The following FBXO31 variants were observed in gnomAD, a reference collection of about 807,000 sequenced individuals.
FBXO31 encodes the protein F-box protein 31.
Under a neutral mutation model 54.4 loss-of-function variants are expected in FBXO31, and 24 were observed. The observed-to-expected ratio is 0.44, with a 90% CI of 0.32 to 0.62. The LOEUF is 0.62. Among genes scored for constraint, FBXO31 ranks in the 20% least tolerant of loss-of-function variants. The probability of loss-of-function intolerance (pLI) is 0.05; values close to 1 mark genes in which losing one functional copy is unlikely to be tolerated. For missense variants in FBXO31, 665 were observed against 787.1 expected (o/e 0.84, Z 1.86); for synonymous variants, 388 against 335.6 (o/e 1.16, Z -1.71).
chr16:87,344,063 G>A (rs1368008500), intron 3 of FBXO31, among the ~76,000 whole-genome samples: 2 of 152,234 alleles, frequency 1.3e-5, no homozygotes, highest in African/African-American at 4.8e-5. Flanking sequence ...AGCAGTGCAA[G>A]GGCCTCGTTC....
At position 87,334,265 on chromosome 16, in the gene FBXO31, C is replaced by T; in HGVS notation, c.1018G>A (p.Gly340Arg). 2 of 1,590,620 alleles carry T rather than the reference C, an allele frequency of 1.3e-6. No homozygotes were observed. The highest frequency in any genetic ancestry group is 1.7e-6 in the Non-Finnish European group (2 of 1,166,628). The change falls in exon 8 of 9, where the codon GGG becomes AGG. Residue 340 changes from glycine to arginine, a missense_variant. Around this residue, in one of 4 missense-constraint regions of FBXO31, gnomAD observed 234 missense variants for 346.8 expected, o/e 0.67. Coordinates refer to ENST00000311635, the MANE Select transcript of FBXO31 (RefSeq NM_024735.5). ...KITGDPNIPA[G>R]QQTVEIDLRH... is the part of the protein sequence containing the mutation. ...AGGTCGATCTCCACTGTCTGCTGCC[C>T]AGCGGGGATGTTGGGGTCGCCCTGT...
chr16:87,376,251 GA>G (rs1009562626), intron 1 of FBXO31, among the ~76,000 whole-genome samples: 34 of 151,980 alleles, frequency 2.2e-4, no homozygotes, highest in African/African-American at 7.7e-4. Context: ...TCTGTTGTGG[GA>G]AACTCAATTT....
chr16:87,370,777 G>A (rs181721758), intron 1 of FBXO31, among the ~76,000 whole-genome samples: 102 of 152,284 alleles, frequency 6.7e-4, no homozygotes, highest in Admixed American at 1.8e-3. Context: ...TGTCCTACCC[G>A]CTTTACACTC....
intron 1 of FBXO31, among the ~76,000 whole-genome samples, chr16:87,376,480 G>A (rs1597378806): frequency 2.0e-5 from 3 of 152,064 alleles, no homozygotes; most frequent in African/African-American, 7.2e-5. Context: ...TCACCAGGTT[G>A]GCCAGGCTGG....
At chr16:87,362,007 T>C (rs1906155482) in intron 1 of FBXO31, among the ~76,000 whole-genome samples, 1 of 152,064 alleles carries the variant, frequency 6.6e-6, no homozygotes. Flanking sequence ...GTGCCCAGAG[T>C]GGGTCCCCTA....
chr16:87,365,006 C>A (rs1906291743), intron 1 of FBXO31, among the ~76,000 whole-genome samples: 1 of 16,824 alleles, frequency 5.9e-5, no homozygotes. Context: ...GACCCCGTCT[C>A]TTAAATATAT....
upstream of FBXO31, chr16:87,386,133 C>G (rs912352704): frequency 1.0e-5 from 1 of 97,232 alleles, no homozygotes; most frequent in African/African-American, 6.8e-5. Context: ...CATCACTTGC[C>G]GGAGATCAGG....
upstream of FBXO31, among the ~76,000 whole-genome samples, chr16:87,384,654 C>A (rs1296897678): frequency 1.3e-5 from 2 of 152,276 alleles, no homozygotes; most frequent in South Asian, 2.1e-4. Flanking sequence ...CGGACCCCAT[C>A]TCTTGGAGGC....
rs978767722 is a variant in FBXO31 at position 87,335,596 on chromosome 16, C to A, written c.843-139G>T. On this transcript the variant is annotated intron_variant, in intron 6 of 8. Transcript: ENST00000311635. This position sits in a 1 kb window ranked among gnomAD's most constrained non-coding sequence, Gnocchi z 5.7. ...CAACCAGGGCCAGGTGTCCACCAGG[C>A]CTGTGGGCAGCAATGCGCCCAGGGG... 6 of 1,026,924 alleles carry A rather than the reference C, an allele frequency of 5.8e-6. No homozygotes were observed. In the African/African-American group the frequency reaches 8.0e-5, roughly 14 times the overall value. 63.6% of individuals were successfully genotyped at this position (1,026,924 alleles called of 1,614,324 possible). A position where few individuals can be genotyped will look rare whatever the true frequency, so the allele number is the denominator to read the frequency against.
chr16:87,345,268 A>G lies in FBXO31; in HGVS notation c.490-1503T>C, dbSNP rs1905335130. On this transcript the variant is annotated intron_variant, in intron 3 of 8. Coordinates refer to ENST00000311635, the MANE Select transcript of FBXO31 (RefSeq NM_024735.5). The surrounding 1 kb of genome is among the most constrained non-coding windows in gnomAD (Gnocchi z 4.9). Reference sequence around the variant, plus strand: ...GCCAGCTGCCTGCCCAGAGCTCAACAAAGTCAGGGCGGGGCTTTCCGGAAA... The same window carrying G: ...GCCAGCTGCCTGCCCAGAGCTCAACGAAGTCAGGGCGGGGCTTTCCGGAAA... 6.6e-6 allele frequency among the ~76,000 whole-genome samples: 1 copy of G among 150,984 alleles called. No homozygotes were observed. Among genetic ancestry groups the G allele is most frequent in the Admixed American group, 6.6e-5 (1 of 15,200 alleles).
chr16:87,346,764 C>G lies in FBXO31; in HGVS notation c.489+410G>C, dbSNP rs12922447. ...GGGGCGGGAGGCAGGGTGGTCAGAG[C>G]GGGTCCACAGCAGAACCCAAGGAAA... On this transcript the variant is annotated intron_variant, in intron 3 of 8. Transcript: ENST00000311635. The surrounding 1 kb of genome is among the most constrained non-coding windows in gnomAD (Gnocchi z 4.2). Among the ~76,000 whole-genome samples the G allele has an allele frequency of 0.02, 3,028 of 152,226 alleles. 54 individuals carry two copies. The highest frequency in any genetic ancestry group is 0.046 in the African/African-American group (1,931 of 41,538).
intron 3 of FBXO31, among the ~76,000 whole-genome samples, chr16:87,344,595 A>C (rs1905300321): frequency 6.6e-6 from 1 of 151,816 alleles, no homozygotes; most frequent in Non-Finnish European, 1.5e-5. Flanking sequence ...CTGTTCTCTC[A>C]CAGACTCCAC....
At chr16:87,373,369 G>A (rs895814912) in intron 1 of FBXO31, among the ~76,000 whole-genome samples, 2 of 151,962 alleles carry the variant, frequency 1.3e-5, no homozygotes, top group Non-Finnish European at 2.9e-5. Context: ...GGAGAATGGC[G>A]TGAACCCAGG....
chr16:87,363,084 A>G (rs1906205304), intron 1 of FBXO31, among the ~76,000 whole-genome samples: 1 of 151,756 alleles, frequency 6.6e-6, no homozygotes, highest in Non-Finnish European at 1.5e-5. Flanking sequence ...CACCAGGTGC[A>G]GGTTAAAAAT....
intron 1 of FBXO31, among the ~76,000 whole-genome samples, chr16:87,378,299 T>C (rs149102232): frequency 6.6e-6 from 1 of 152,184 alleles, no homozygotes; most frequent in Non-Finnish European, 1.5e-5. Context: ...TTTTTAAATG[T>C]GCACCCTCAC....
rs946117279 is a variant in FBXO31 at position 87,383,703 on chromosome 16, G to A, written c.42C>T (p.Arg14=). The A allele has an allele frequency of 7.9e-7, 1 of 1,265,040 alleles. No homozygotes were observed. The highest frequency in any genetic ancestry group is 9.9e-7 in the Non-Finnish European group (1 of 1,012,088). The allele number at this position is 1,265,040 out of a possible 1,614,324, so 78.4% of individuals were successfully genotyped here. A position where few individuals can be genotyped will look rare whatever the true frequency, so the allele number is the denominator to read the frequency against. ...GGCGCTGCTGGCGGCGCCGACATCC[G>A]CGCGACGGGCCCACGCCGCAAAGGC... ...CARLCGVGPS[R]GCRRRQQRRG... Residue 14 remains arginine (R), a synonymous_variant, in exon 1 of 9, where the codon CGC becomes CGT. Coordinates refer to ENST00000311635, the MANE Select transcript of FBXO31 (RefSeq NM_024735.5). This position sits in a 1 kb window ranked among gnomAD's most constrained non-coding sequence, Gnocchi z 4.9.
At chr16:87,378,681 G>A (rs190564274) in intron 1 of FBXO31, among the ~76,000 whole-genome samples, 2 of 152,198 alleles carry the variant, frequency 1.3e-5, no homozygotes, top group African/African-American at 4.8e-5. Context: ...ACGCATCCTG[G>A]CTGGGCGCGG....
At position 87,338,972 on chromosome 16, in the gene FBXO31, G is replaced by A. The variant is rs1449047427; in HGVS notation, c.733-2708C>T. ...TCACGAGATGCAATGGTTTTATAAA[G>A]GGGAGTTCCCCTGCACAAGTTCTCT... On this transcript the variant is annotated intron_variant, in intron 5 of 8. Coordinates refer to ENST00000311635, the MANE Select transcript of FBXO31 (RefSeq NM_024735.5). This position sits in a 1 kb window ranked among gnomAD's most constrained non-coding sequence, Gnocchi z 4.3. 1.3e-5 allele frequency among the ~76,000 whole-genome samples: 2 copies of A among 152,184 alleles called. No individual in the cohort carries two copies. Among genetic ancestry groups the A allele is most frequent in the Non-Finnish European group, 2.9e-5 (2 of 68,036 alleles).
intron 2 of FBXO31, among the ~76,000 whole-genome samples, chr16:87,350,722 T>TAA (rs146548983): frequency 4.7e-5 from 7 of 149,014 alleles, no homozygotes; most frequent in South Asian, 2.1e-4. Flanking sequence ...ATACTGGGGT[T>TAA]AAAAAAAAAA....
Sources: gnomAD v4.1 joint callset for allele counts (sites outside exome capture counted in the v4.1 genomes callset) on GRCh38, gnomAD v4.1.1 for gene constraint, gnomAD v4.1.1 regional missense constraint, Gnocchi (gnomAD v3.1) non-coding constraint, MANE v1.5 for transcripts, NCBI Gene and HGNC (gene_info 2026-07-23, HGNC 2026-07-21) for gene names.